Variants in NRXN3 observed in about 807,000 individuals in gnomAD.
NRXN3 encodes neurexin 3.
In NRXN3, 32 loss-of-function variants were observed where a neutral mutation model predicts 137.6. The ratio of observed to expected loss-of-function variants is 0.23; its 90% CI spans 0.18 to 0.31. The LOEUF (loss-of-function observed/expected upper bound fraction) is 0.31, where lower values mean the gene tolerates loss of function less well. NRXN3 is among the 10% of genes least tolerant of loss of function. The pLI is 1.00. For missense variants in NRXN3, 1,574 were observed against 2,062.5 expected, an observed-to-expected ratio of 0.76 and a Z score of 4.59; for synonymous variants, 798 against 784.5, an observed-to-expected ratio of 1.02 and a Z score of -0.29.
At chr14:78,194,736 C>T (rs2061069027) in intron 1 of NRXN3, among the ~76,000 whole-genome samples, 1 of 152,134 alleles carries the variant, frequency 6.6e-6, no homozygotes, top group African/African-American at 2.4e-5. Context: ...GCAGTAGTTG[C>T]AGAGGAGAGA....
chr14:79,320,519 G>A (rs1325346989), intron 15 of NRXN3, among the ~76,000 whole-genome samples: 1 of 152,186 alleles, frequency 6.6e-6, no homozygotes, highest in Non-Finnish European at 1.5e-5. Flanking sequence ...TAATGGATAT[G>A]TGAATAGTGC....
intron 15 of NRXN3, among the ~76,000 whole-genome samples, chr14:79,190,579 G>GT (rs1286473985): frequency 6.6e-6 from 1 of 152,138 alleles, no homozygotes; most frequent in Non-Finnish European, 1.5e-5. Flanking sequence ...CTGAAGGCAA[G>GT]TGTCCAAACG....
At position 79,605,438 on chromosome 14, in the gene NRXN3, A is replaced by G. The variant is rs1023370470; in HGVS notation, c.3445-58340A>G. On this transcript the variant is annotated intron_variant, in intron 16 of 20. Coordinates refer to ENST00000335750, the MANE Select transcript of NRXN3 (RefSeq NM_001330195.2). The stretch of plus-strand genomic sequence containing the variant: ...GTGGATGGGATTCTGCCTTGGGCAT[A>G]TTTTGCTCTACTGGGCCCTGGAGTC... Among the ~76,000 whole-genome samples the G allele has an allele frequency of 2.0e-5, 3 of 152,192 alleles. No homozygotes were observed. In the South Asian group the frequency reaches 6.2e-4, roughly 32 times the overall value.
At chr14:78,466,332 CTGAG>C (rs2153723978) in intron 4 of NRXN3, among the ~76,000 whole-genome samples, 1 of 152,264 alleles carries the variant, frequency 6.6e-6, no homozygotes, top group African/African-American at 2.4e-5. Context: ...AAATCAGTGT[CTGAG>C]TGTCTGTACA....
At chr14:79,267,779 C>A (rs770022027) in intron 15 of NRXN3, among the ~76,000 whole-genome samples, 2 of 152,204 alleles carry the variant, frequency 1.3e-5, no homozygotes, top group African/African-American at 2.4e-5. Context: ...CAGCTGAGAT[C>A]ATTTAATTTT....
At chr14:79,035,697 T>C (rs1253212252) in intron 15 of NRXN3, among the ~76,000 whole-genome samples, 1 of 152,050 alleles carries the variant, frequency 6.6e-6, no homozygotes, top group Non-Finnish European at 1.5e-5. Context: ...GTGGAACAAG[T>C]GTGTGTGAAA....
intron 8 of NRXN3, among the ~76,000 whole-genome samples, chr14:78,765,752 CATACATAT>C (rs1358141798): frequency 1.3e-5 from 2 of 152,190 alleles, no homozygotes; most frequent in Non-Finnish European, 2.9e-5. Context: ...CACACACACA[CATACATAT>C]ATACATATAT....
rs988108070 is a variant in NRXN3, at chr14:78,551,028, A to G, written c.758-94092A>G. The stretch of plus-strand genomic sequence containing the variant: ...AATCTCTGTGTGCCTCAATCTCTCT[A>G]TCCATATGATAAGGGATACAAGACC... On this transcript the variant is annotated intron_variant, in intron 4 of 20. Coordinates refer to ENST00000335750, the MANE Select transcript of NRXN3 (RefSeq NM_001330195.2). 5.3e-5 allele frequency among the ~76,000 whole-genome samples: 8 copies of G among 152,326 alleles called. No homozygotes were observed. The South Asian group carries it at 8.3e-4, about 16-fold the overall frequency.
chr14:78,647,762 A>T (rs1411141546), intron 5 of NRXN3, among the ~76,000 whole-genome samples: 1 of 152,230 alleles, frequency 6.6e-6, no homozygotes, highest in East Asian at 1.9e-4. Flanking sequence ...TTGCAAATGC[A>T]ATTATTTTAA....
intron 15 of NRXN3, among the ~76,000 whole-genome samples, chr14:79,439,521 A>AT (rs2095898031): frequency 6.6e-6 from 1 of 152,092 alleles, no homozygotes; most frequent in South Asian, 2.1e-4. Flanking sequence ...GCTAAGTATT[A>AT]TTTTCAGAAA....
chr14:78,793,225 C>A (rs1252627775), intron 8 of NRXN3, among the ~76,000 whole-genome samples: 1 of 151,694 alleles, frequency 6.6e-6, no homozygotes, highest in Non-Finnish European at 1.5e-5. Context: ...ATCTATACTC[C>A]CCCCAAAAAA....
chr14:78,841,054 AG>A (rs1414230906), intron 10 of NRXN3, among the ~76,000 whole-genome samples: 2 of 152,148 alleles, frequency 1.3e-5, no homozygotes, highest in African/African-American at 4.8e-5. Context: ...CAGGCCACAC[AG>A]CTGGTATTTT....
intron 20 of NRXN3, among the ~76,000 whole-genome samples, chr14:79,832,198 G>A (rs781161643): frequency 3.3e-5 from 5 of 152,068 alleles, no homozygotes; most frequent in Non-Finnish European, 7.4e-5. Flanking sequence ...TCATTTACCT[G>A]CAGTTGTTGA....
chr14:79,566,328 T>C (rs1208947952), intron 16 of NRXN3, among the ~76,000 whole-genome samples: 1 of 152,044 alleles, frequency 6.6e-6, no homozygotes, highest in Non-Finnish European at 1.5e-5. Context: ...ATAGAATCTT[T>C]CCTTGCTTTT....
chr14:79,042,304 G>A (rs79000786), intron 15 of NRXN3, among the ~76,000 whole-genome samples: 1,570 of 152,292 alleles, frequency 0.01, 19 homozygotes, highest in African/African-American at 0.036. Context: ...CAGTAAACAC[G>A]TTAAGCAAGC....
chr14:79,857,464 C>T (rs185526015), intron 20 of NRXN3, among the ~76,000 whole-genome samples: 90 of 152,172 alleles, frequency 5.9e-4, no homozygotes, highest in Middle Eastern at 3.4e-3. Context: ...CCTCATGATC[C>T]GCCTGCCTCG....
chr14:79,321,890 C>T (rs982211866), intron 15 of NRXN3, among the ~76,000 whole-genome samples: 11 of 149,550 alleles, frequency 7.4e-5, no homozygotes, highest in Non-Finnish European at 1.5e-4. Flanking sequence ...TATATATACA[C>T]ACACACACAT....
At chr14:78,713,414 C>T (rs2098418423) in intron 7 of NRXN3, among the ~76,000 whole-genome samples, 1 of 152,180 alleles carries the variant, frequency 6.6e-6, no homozygotes, top group Non-Finnish European at 1.5e-5. Context: ...TCCTTCTCAA[C>T]ATTCTGGTTT....
intron 15 of NRXN3, among the ~76,000 whole-genome samples, chr14:79,064,983 C>A (rs1319655833): frequency 6.6e-6 from 1 of 151,758 alleles, no homozygotes; most frequent in Non-Finnish European, 1.5e-5. Flanking sequence ...TATCCACTTT[C>A]TCCTCAACCA....
Sources: gnomAD v4.1 joint callset for allele counts (sites outside exome capture counted in the v4.1 genomes callset) on GRCh38, gnomAD v4.1.1 for gene constraint, MANE v1.5 for transcripts, NCBI Gene and HGNC (gene_info 2026-07-23, HGNC 2026-07-21) for gene names.